Variants in IL16 observed in about 807,000 individuals in gnomAD.
IL16 encodes interleukin 16.
A neutral mutation model predicts 110.1 loss-of-function variants in IL16; 67 were observed. The observed-to-expected ratio is 0.61, with a 90% CI of 0.50 to 0.75. The LOEUF is 0.75. IL16 is among the 30% of genes least tolerant of loss of function. The probability of loss-of-function intolerance (pLI) is 0.00; values close to 1 mark genes in which losing one functional copy is unlikely to be tolerated. For missense variants in IL16, 1,545 were observed against 1,655.0 expected (o/e 0.93, Z 1.15); for synonymous variants, 689 against 662.9 (o/e 1.04, Z -0.61).
chr15:81,267,408 T>G (rs1898429276), intron 4 of IL16, among the ~76,000 whole-genome samples: 2 of 152,070 alleles, frequency 1.3e-5, no homozygotes, highest in South Asian at 4.2e-4. Context: ...AGACACTATG[T>G]TAGTTGGAGA....
At position 81,313,200 on chromosome 15, in the gene IL16, C is replaced by T. The variant is rs17875573; in HGVS notation, c.*4402C>T. ...GCTCCCAGGCTCCTTGGTGTCCCAA[C>T]AGCTGGAGCTCCTCGATGAGTCACG... On this transcript the variant is annotated 3_prime_UTR_variant, in exon 19 of 19. Transcript: ENST00000683961. 4.8e-5 allele frequency: 71 copies of T among 1,466,368 alleles called. No homozygotes were observed. The African/African-American group carries it at 9.0e-4, about 19-fold the overall frequency. The allele number at this position is 1,466,368 out of a possible 1,614,324, so 90.8% of individuals were successfully genotyped here.
At chr15:81,213,961 T>C (rs919501093) in intron 1 of IL16, among the ~76,000 whole-genome samples, 2 of 152,244 alleles carry the variant, frequency 1.3e-5, no homozygotes, top group African/African-American at 4.8e-5. Context: ...CTGATTGTTA[T>C]ATAGATTTGA....
chr15:81,249,300 T>C (rs916161641), intron 2 of IL16, among the ~76,000 whole-genome samples: 6 of 152,216 alleles, frequency 3.9e-5, no homozygotes, highest in Admixed American at 6.5e-5. Context: ...TTAATCATCA[T>C]TCTTTGCCTC....
chr15:81,232,042 G>GTTTTTTTTTTTTTTCTTTTTTTTTTTTT (rs1897010560), intron 2 of IL16, among the ~76,000 whole-genome samples: 3 of 57,694 alleles, frequency 5.2e-5, no homozygotes, highest in Non-Finnish European at 1.0e-4. Context: ...ATTTGTTCTT[G>GTTTTTTTTTTTTTTCTTTTTTTTTTTTT]TTTTTTTTTT....
At position 81,303,598 on chromosome 15, in the gene IL16, G is replaced by A; in HGVS notation, c.3368G>A (p.Gly1123Asp). 1.2e-6 allele frequency: 2 copies of A among 1,614,126 alleles called. No individual in the cohort carries two copies. Among genetic ancestry groups the A allele is most frequent in the South Asian group, 2.2e-5 (2 of 91,082 alleles). ...ATCTTACACAAGGAGGAAGGTGCTG[G>A]TCTTGGGTTCAGCTTGGCAGGAGGA... The part of the protein sequence containing the change: ...VTILHKEEGA[G>D]LGFSLAGGAD... Residue 1123 changes from glycine to aspartate, a missense_variant, in exon 16 of 19, where the codon GGT becomes GAT. Gly to Asp is a moderately conservative substitution (Grantham distance 94, BLOSUM62 -1). Transcript: ENST00000683961. This position sits in a 1 kb window ranked among gnomAD's most constrained non-coding sequence, Gnocchi z 4.1.
chr15:81,278,268 T>C (rs939269639), intron 6 of IL16, among the ~76,000 whole-genome samples: 1 of 151,642 alleles, frequency 6.6e-6, no homozygotes, highest in Non-Finnish European at 1.5e-5. Flanking sequence ...GGCCAGGGAG[T>C]GACTGAGGGT....
chr15:81,248,613 A>T (rs965784441), intron 2 of IL16, among the ~76,000 whole-genome samples: 1 of 147,248 alleles, frequency 6.8e-6, no homozygotes, highest in African/African-American at 2.5e-5. Context: ...TCCCTGTTTT[A>T]TTCTCTGCTT....
chr15:81,238,943 C>T (rs1179869848), intron 2 of IL16, among the ~76,000 whole-genome samples: 5 of 150,930 alleles, frequency 3.3e-5, no homozygotes, highest in Middle Eastern at 3.4e-3. Context: ...AAAAATGTGT[C>T]CTGACTTCTG....
chr15:81,212,993 C>A (rs968533877), intron 1 of IL16, among the ~76,000 whole-genome samples: 1 of 152,042 alleles, frequency 6.6e-6, no homozygotes, highest in Non-Finnish European at 1.5e-5. Flanking sequence ...AATTTAACAT[C>A]TTTTTAATTT....
intron 2 of IL16, among the ~76,000 whole-genome samples, chr15:81,250,973 A>G (rs992228833): frequency 2.0e-5 from 3 of 152,130 alleles, no homozygotes; most frequent in Non-Finnish European, 4.4e-5. Context: ...AATATCCCAT[A>G]AGGCTATGAA....
chr15:81,306,777 T>C, intron 18 of IL16: 2 of 562,620 alleles, frequency 3.6e-6, no homozygotes, highest in East Asian at 3.5e-5. Flanking sequence ...AATACCTAAG[T>C]CCTGGGCTTG....
intron 1 of IL16, among the ~76,000 whole-genome samples, chr15:81,216,646 T>TAGCAGCAGCAGC (rs6145652): frequency 2.0e-5 from 3 of 151,372 alleles, no homozygotes; most frequent in South Asian, 4.2e-4. Context: ...CTGTCTGTCT[T>TAGCAGCAGCAGC]AGCAGCAGCA....
chr15:81,288,802 A>G (rs1899569498), intron 10 of IL16, among the ~76,000 whole-genome samples: 1 of 150,774 alleles, frequency 6.6e-6, no homozygotes, highest in Admixed American at 6.6e-5. Context: ...CTTCCTTTTT[A>G]AGGTCGAATA....
At chr15:81,275,356 AGGAGGGGGGGGAGGGGAGG>A (rs1413201570) in intron 6 of IL16, among the ~76,000 whole-genome samples, 1 of 19,264 alleles carries the variant, frequency 5.2e-5, no homozygotes, top group African/African-American at 1.9e-4. Flanking sequence ...TTGACGGGGG[AGGAGGGGGGGGAGGGGAGG>A]GGAGGGGAGG....
At position 81,309,287 on chromosome 15, in the gene IL16, C is replaced by T. The variant is rs1489940241; in HGVS notation, c.*489C>T. 1 of 153,688 alleles carries T rather than the reference C, an allele frequency of 6.5e-6. No homozygotes were observed. The highest frequency in any genetic ancestry group is 2.4e-5 in the African/African-American group (1 of 41,490). The allele number at this position is 153,688 out of a possible 1,614,324, so 9.5% of individuals were successfully genotyped here. A position where few individuals can be genotyped will look rare whatever the true frequency, so the allele number is the denominator to read the frequency against. The stretch of plus-strand genomic sequence containing the variant: ...TGCAAAGGCTGGGACCACGTGAGAT[C>T]ATTCACTCATACATCTGGCCGTTGA... On this transcript the variant is annotated 3_prime_UTR_variant, in exon 19 of 19. Coordinates refer to ENST00000683961, the MANE Select transcript of IL16 (RefSeq NM_172217.5).
At chr15:81,228,058 G>A (rs1187728782) in intron 2 of IL16, among the ~76,000 whole-genome samples, 1 of 152,114 alleles carries the variant, frequency 6.6e-6, no homozygotes, top group Admixed American at 6.5e-5. Flanking sequence ...GTTGTACTAA[G>A]CAGAGGTGGA....
intron 1 of IL16, among the ~76,000 whole-genome samples, chr15:81,183,380 G>C (rs886295110): frequency 6.6e-6 from 1 of 152,244 alleles, no homozygotes; most frequent in Non-Finnish European, 1.5e-5. Flanking sequence ...CTCTGGAGCA[G>C]ATCTGAGAAC....
chr15:81,231,199 C>T (rs1334973946), intron 2 of IL16, among the ~76,000 whole-genome samples: 2 of 151,612 alleles, frequency 1.3e-5, no homozygotes, highest in African/African-American at 4.9e-5. Flanking sequence ...AACATAGCAA[C>T]ATAACATAAC....
rs1429754181 is a variant in IL16, at chr15:81,309,017, T to C, written c.*219T>C. 2.1e-6 allele frequency: 1 copy of C among 476,062 alleles called. No individual in the cohort carries two copies. 29.5% of individuals were successfully genotyped at this position (476,062 alleles called of 1,614,324 possible). On this transcript the variant is annotated 3_prime_UTR_variant, in exon 19 of 19. Coordinates refer to ENST00000683961, the MANE Select transcript of IL16 (RefSeq NM_172217.5). ...GTCACACGGGGGCAGCTGATACAAA[T>C]TGCAGACTGTGTAAAAAGAGAGCTT...
Sources: gnomAD v4.1 joint callset for allele counts (sites outside exome capture counted in the v4.1 genomes callset) on GRCh38, gnomAD v4.1.1 for gene constraint, Gnocchi (gnomAD v3.1) non-coding constraint, MANE v1.5 for transcripts, NCBI Gene and HGNC (gene_info 2026-07-23, HGNC 2026-07-21) for gene names.